The following DLGAP2 variants were observed in gnomAD, a reference collection of about 807,000 sequenced individuals.
The protein encoded by DLGAP2 is disks large-associated protein 2.
In DLGAP2, 26 loss-of-function variants were observed where a neutral mutation model predicts 100.3. That is an observed-to-expected ratio of 0.26 (90% CI 0.19 to 0.36). The LOEUF is 0.36. Ranked by LOEUF, DLGAP2 falls within the 10% of genes least tolerant of loss-of-function variation. The probability of loss-of-function intolerance (pLI) is 1.00; values close to 1 mark genes in which losing one functional copy is unlikely to be tolerated. For missense variants in DLGAP2, 1,858 were observed against 1,453.2 expected, an observed-to-expected ratio of 1.28 and a Z score of -4.53; for synonymous variants, 886 against 630.1, an observed-to-expected ratio of 1.41 and a Z score of -6.08.
At chr8:1,233,704 C>T (rs2116839240) in intron 2 of DLGAP2, among the ~76,000 whole-genome samples, 1 of 152,164 alleles carries the variant, frequency 6.6e-6, no homozygotes, top group Middle Eastern at 3.4e-3. Context: ...GTGTGTTGAG[C>T]ACATGTCAGT....
rs567522938 is a variant in DLGAP2, at chr8:998,791, G to C, written c.73+90825G>C. On this transcript the variant is annotated intron_variant, in intron 2 of 14. Coordinates refer to ENST00000637795, the MANE Select transcript of DLGAP2 (RefSeq NM_001346810.2). ...CATACCCTTTCTTTCCTTGGAGCTT[G>C]AATATACTGTTTCACTGTCCTCATA... Among the ~76,000 whole-genome samples the C allele has an allele frequency of 1.2e-4, 19 of 152,254 alleles. No individual in the cohort carries two copies. In the South Asian group the frequency reaches 3.9e-3, roughly 32 times the overall value.
chr8:1,562,312 G>T (rs867269891), intron 5 of DLGAP2, among the ~76,000 whole-genome samples: 1 of 21,136 alleles, frequency 4.7e-5, no homozygotes, highest in Non-Finnish European at 8.6e-5. Flanking sequence ...GTGTGGTGTT[G>T]GGGTGTCCGC....
intron 1 of DLGAP2, among the ~76,000 whole-genome samples, chr8:781,833 C>G (rs989532276): frequency 6.6e-6 from 1 of 152,092 alleles, no homozygotes; most frequent in African/African-American, 2.4e-5. Flanking sequence ...ATTATATAAC[C>G]TAATGTTTGT....
intron 6 of DLGAP2, among the ~76,000 whole-genome samples, chr8:1,616,260 TAAG>T (rs966152664): frequency 3.3e-5 from 5 of 152,118 alleles, no homozygotes; most frequent in African/African-American, 1.2e-4. Flanking sequence ...ATATGTGTAG[TAAG>T]AAGAAGTGAA....
chr8:930,762 A>ACACCAGTGTGCCAGGC (rs1422491942), intron 2 of DLGAP2, among the ~76,000 whole-genome samples: 13 of 152,246 alleles, frequency 8.5e-5, no homozygotes, highest in African/African-American at 2.9e-4. Context: ...TGTGGGAGCC[A>ACACCAGTGTGCCAGGC]CACCAGTGTG....
chr8:1,169,617 C>G (rs144293543), intron 2 of DLGAP2, among the ~76,000 whole-genome samples: 11 of 152,090 alleles, frequency 7.2e-5, no homozygotes, highest in African/African-American at 2.4e-4. Flanking sequence ...AAGCTGCATT[C>G]CTAGGTATTT....
At chr8:1,047,809 G>A (rs1370382988) in intron 2 of DLGAP2, among the ~76,000 whole-genome samples, 1 of 152,032 alleles carries the variant, frequency 6.6e-6, no homozygotes. Context: ...CCATCACCTT[G>A]GAGGTTCGGT....
At chr8:1,539,965 G>C (rs574056685) in intron 4 of DLGAP2, among the ~76,000 whole-genome samples, 13 of 152,196 alleles carry the variant, frequency 8.5e-5, no homozygotes, top group Middle Eastern at 3.4e-3. Flanking sequence ...TGCTCCTATG[G>C]CCTCCAGACT....
At chr8:1,623,558 G>A (rs553635442) in intron 6 of DLGAP2, among the ~76,000 whole-genome samples, 9 of 148,144 alleles carry the variant, frequency 6.1e-5, no homozygotes, top group African/African-American at 2.0e-4. Flanking sequence ...TGATAACCTG[G>A]CACCAGTGCG....
chr8:1,089,472 C>T (rs962368222), intron 2 of DLGAP2, among the ~76,000 whole-genome samples: 2 of 152,206 alleles, frequency 1.3e-5, no homozygotes, highest in South Asian at 4.1e-4. Flanking sequence ...AGAGTCAGCT[C>T]CGTCTGTCCC....
chr8:1,309,937 A>G (rs2117012984), intron 3 of DLGAP2, among the ~76,000 whole-genome samples: 1 of 152,192 alleles, frequency 6.6e-6, no homozygotes, highest in East Asian at 1.9e-4. Flanking sequence ...TTTACTAAAA[A>G]CACAAAAATT....
chr8:1,375,237 A>C (rs1231915293), intron 3 of DLGAP2, among the ~76,000 whole-genome samples: 1 of 80,074 alleles, frequency 1.2e-5, no homozygotes, highest in Non-Finnish European at 2.2e-5. Flanking sequence ...GGTTAACGAC[A>C]CCTCTCCACG....
At chr8:771,781 C>T (rs1821367725) in intron 1 of DLGAP2, among the ~76,000 whole-genome samples, 2 of 152,206 alleles carry the variant, frequency 1.3e-5, no homozygotes, top group Admixed American at 6.5e-5. Context: ...AAGTAATTTA[C>T]ACTAACCATA....
chr8:1,521,974 G>A (rs537823616), intron 4 of DLGAP2, among the ~76,000 whole-genome samples: 6 of 147,990 alleles, frequency 4.1e-5, no homozygotes, highest in African/African-American at 5.1e-5. Context: ...GATATGGGGC[G>A]TCTCTGGTTT....
chr8:973,585 G>A lies in DLGAP2; in HGVS notation c.73+65619G>A, dbSNP rs554312235. On this transcript the variant is annotated intron_variant, in intron 2 of 14. Transcript: ENST00000637795. ...GCAGCTGGGCAGAGGCTGCAATCTC[G>A]GCACTTTGGGAGGCCAAGGCAGGCG... 1.1e-4 allele frequency among the ~76,000 whole-genome samples: 17 copies of A among 152,306 alleles called. 1 individual carries two copies. Among genetic ancestry groups the A allele is most frequent in the South Asian group, 1.0e-3 (5 of 4,830 alleles).
chr8:1,453,078 C>G lies in DLGAP2; in HGVS notation c.107-48288C>G, dbSNP rs544377876. 2.3e-4 allele frequency among the ~76,000 whole-genome samples: 35 copies of G among 152,108 alleles called. No individual in the cohort carries two copies. The South Asian group carries it at 4.8e-3, about 21-fold the overall frequency. Reference sequence around the variant, plus strand: ...CTGGGGTGCAAATGGACACAAATGACCAGAAGAGAAATCCCTTGTAGAGGA... The same window carrying G: ...CTGGGGTGCAAATGGACACAAATGAGCAGAAGAGAAATCCCTTGTAGAGGA... On this transcript the variant is annotated intron_variant, in intron 3 of 14. Transcript: ENST00000637795.
At chr8:1,649,168 C>G (rs1318765801) in intron 8 of DLGAP2, among the ~76,000 whole-genome samples, 1 of 152,206 alleles carries the variant, frequency 6.6e-6, no homozygotes, top group African/African-American at 2.4e-5. Flanking sequence ...TGTCCAAAAG[C>G]CAATGCTATA....
At chr8:1,281,872 C>T (rs1026742679) in intron 3 of DLGAP2, among the ~76,000 whole-genome samples, 1 of 152,214 alleles carries the variant, frequency 6.6e-6, no homozygotes, top group Admixed American at 6.5e-5. Flanking sequence ...TTGATCTGCC[C>T]TGGAAGAGAC....
rs58436500 is a variant in DLGAP2 at position 1,498,595 on chromosome 8, C to T, written c.107-2771C>T. Among the ~76,000 whole-genome samples, 41 of 152,268 alleles carry T rather than the reference C, an allele frequency of 2.7e-4. No homozygotes were observed. The East Asian group carries it at 7.0e-3, about 26-fold the overall frequency. ...GAAGAAAGCCAGAGTGCAGAGCTCA[C>T]TGTGTCTGTGCAGCCGTGATAAAGC... On this transcript the variant is annotated intron_variant, in intron 3 of 14. Transcript: ENST00000637795.
Sources: gnomAD v4.1 joint callset for allele counts (sites outside exome capture counted in the v4.1 genomes callset) on GRCh38, gnomAD v4.1.1 for gene constraint, MANE v1.5 for transcripts, NCBI Gene and HGNC (gene_info 2026-07-23, HGNC 2026-07-21) for gene names.